Variants in AIMP1 observed in about 807,000 individuals in gnomAD.
AIMP1 encodes the protein aminoacyl tRNA synthetase complex interacting multifunctional protein 1.
In AIMP1, 24 loss-of-function variants were observed where a neutral mutation model predicts 33.1. The ratio of observed to expected loss-of-function variants is 0.73; its 90% CI spans 0.53 to 1.02. The LOEUF (loss-of-function observed/expected upper bound fraction) is 1.02. Ranked by LOEUF, AIMP1 falls within the 50% of genes least tolerant of loss-of-function variation. The pLI, the probability that AIMP1 is intolerant of heterozygous loss-of-function variation, is 0.00. For synonymous variants in AIMP1, 120 were observed against 121.5 expected (o/e 0.99, Z 0.08); for missense variants, 367 against 364.8 (o/e 1.01, Z -0.05).
In AIMP1 at chr4:106,347,690, T is replaced by C; in HGVS notation, c.937T>C (p.Ter313GlnextTer9). 1 of 1,612,584 alleles carries C rather than the reference T, an allele frequency of 6.2e-7. No individual in the cohort carries two copies. The highest frequency in any genetic ancestry group is 2.2e-5 in the East Asian group (1 of 44,768). Residue 313 changes from the stop codon to glutamine (Q), a stop_lost, in exon 7 of 7, where the codon TAA becomes CAA. Transcript: ENST00000672341. ...AQTMSNSGIK[*>Q] ...AACCATGAGCAACAGTGGAATCAAA[T>C]AAAATGCTTCCACTACCAAAAGACA...
intron 6 of AIMP1, among the ~76,000 whole-genome samples, chr4:106,346,625 C>G (rs1397754979): frequency 6.6e-6 from 1 of 152,032 alleles, no homozygotes; most frequent in Non-Finnish European, 1.5e-5. Context: ...TCATCATTAG[C>G]TAGAGAAACC....
rs1318469418 is a variant in AIMP1, at chr4:106,316,573, A to T, written c.-47A>T. The T allele has an allele frequency of 3.9e-6, 6 of 1,551,436 alleles. No homozygotes were observed. In the African/African-American group the frequency reaches 4.1e-5, roughly 11 times the overall value. Reference sequence around the variant, plus strand: ...ATGCTTCCTGCTGTGGCTGTCTCGGAACCCGTGGTCCTCCGCTTCATGTGA... The same window carrying T: ...ATGCTTCCTGCTGTGGCTGTCTCGGTACCCGTGGTCCTCCGCTTCATGTGA... On this transcript the variant is annotated 5_prime_UTR_variant, in exon 1 of 7. Coordinates refer to ENST00000672341, the MANE Select transcript of AIMP1 (RefSeq NM_001142416.2).
intron 4 of AIMP1, among the ~76,000 whole-genome samples, chr4:106,329,389 A>C (rs1484277887): frequency 6.6e-6 from 1 of 152,200 alleles, no homozygotes; most frequent in Non-Finnish European, 1.5e-5. Flanking sequence ...CTAGTTAGAG[A>C]AGGCAACAAG....
chr4:106,324,459 A>T (rs1035961550), intron 1 of AIMP1, among the ~76,000 whole-genome samples: 2 of 152,166 alleles, frequency 1.3e-5, no homozygotes, highest in Non-Finnish European at 2.9e-5. Context: ...GTATATACTG[A>T]CATTATATCT....
At position 106,321,078 on chromosome 4, in the gene AIMP1, C is replaced by T. The variant is rs189334584; in HGVS notation, c.-25-3907C>T. ...TGTTGCCCATGCTGGAGTGCAGTGG[C>T]GTGATCTTGGCTCGCTACAACCTCC... On this transcript the variant is annotated intron_variant, in intron 1 of 6. Transcript: ENST00000672341. Among the ~76,000 whole-genome samples the T allele has an allele frequency of 2.2e-4, 33 of 152,316 alleles. No homozygotes were observed. In the East Asian group the frequency reaches 4.4e-3, roughly 21 times the overall value.
At chr4:106,316,345 G>A (rs1579619572), upstream of AIMP1, 1 of 587,558 alleles carries the variant, frequency 1.7e-6, no homozygotes, top group Non-Finnish European at 3.1e-6. Context: ...AGAGAAAGAG[G>A]TGCGGGGGGA....
At chr4:106,345,930 T>C (rs533523816) in intron 6 of AIMP1, among the ~76,000 whole-genome samples, 23 of 149,962 alleles carry the variant, frequency 1.5e-4, no homozygotes, top group African/African-American at 5.3e-4. Context: ...AAAATATAAA[T>C]ACTTCCAGTA....
intron 2 of AIMP1, among the ~76,000 whole-genome samples, chr4:106,326,466 C>T (rs1011660737): frequency 6.6e-6 from 1 of 152,166 alleles, no homozygotes; most frequent in African/African-American, 2.4e-5. Flanking sequence ...ATCCTACCTA[C>T]AAAGCAGTAC....
At chr4:106,320,983 A>G (rs1769199751) in intron 1 of AIMP1, among the ~76,000 whole-genome samples, 1 of 152,116 alleles carries the variant, frequency 6.6e-6, no homozygotes, top group Non-Finnish European at 1.5e-5. Flanking sequence ...CCTGACCGCG[A>G]GTGATCTGCC....
At chr4:106,325,169 T>G in intron 2 of AIMP1, 51 bp downstream of exon 2, 1 of 1,463,484 alleles carries the variant, frequency 6.8e-7, no homozygotes, top group Middle Eastern at 1.7e-4. Flanking sequence ...AATTCATACA[T>G]TGATGGAGAA....
intron 5 of AIMP1, among the ~76,000 whole-genome samples, chr4:106,332,203 G>A (rs1319569545): frequency 2.0e-5 from 3 of 151,696 alleles, no homozygotes; most frequent in Non-Finnish European, 4.4e-5. Flanking sequence ...AAATATATTT[G>A]AAATCTAAGT....
intron 6 of AIMP1, among the ~76,000 whole-genome samples, chr4:106,337,266 T>C (rs1769921051): frequency 1.3e-5 from 2 of 152,204 alleles, no homozygotes; most frequent in African/African-American, 4.8e-5. Flanking sequence ...ACACCTGATA[T>C]GGTTTGACTA....
At chr4:106,338,065 G>A (rs369649904) in intron 6 of AIMP1, among the ~76,000 whole-genome samples, 1 of 152,218 alleles carries the variant, frequency 6.6e-6, no homozygotes, top group African/African-American at 2.4e-5. Context: ...AAGCAGCAAA[G>A]CATTTAAGAG....
chr4:106,347,347 C>T (rs1264418781), intron 6 of AIMP1, among the ~76,000 whole-genome samples, 179 bp from the exon 7 acceptor site: 2 of 151,824 alleles, frequency 1.3e-5, no homozygotes, highest in African/African-American at 4.8e-5. Context: ...TTTTATTTTA[C>T]CAATCAAGAA....
At chr4:106,346,336 ATGTAAAAAGGT>A (rs1390261743) in intron 6 of AIMP1, among the ~76,000 whole-genome samples, 1 of 152,182 alleles carries the variant, frequency 6.6e-6, no homozygotes, top group Non-Finnish European at 1.5e-5. Context: ...TATTAACCAC[ATGTAAAAAGGT>A]TGTTTACTTT....
At chr4:106,325,254 C>A in intron 2 of AIMP1, 136 bp downstream of exon 2, 2 of 819,750 alleles carry the variant, frequency 2.4e-6, no homozygotes, top group Non-Finnish European at 1.9e-6. Flanking sequence ...AATATCAAAC[C>A]TGAATTTCTA....
rs1769903715 is a variant in AIMP1 at position 106,336,851 on chromosome 4, A to G, written c.604-18A>G. On this transcript the variant is annotated intron_variant, in intron 5 of 6. Transcript: ENST00000672341. ...TAATCTGTGTACATCTTTACTTACC[A>G]GTTTATATTTCACACAGATGCAAAA... 2 of 1,612,042 alleles carry G rather than the reference A, an allele frequency of 1.2e-6. No homozygotes were observed. Among genetic ancestry groups the G allele is most frequent in the African/African-American group, 2.7e-5 (2 of 74,870 alleles).
At chr4:106,343,702 C>T (rs948070871) in intron 6 of AIMP1, among the ~76,000 whole-genome samples, 1 of 152,152 alleles carries the variant, frequency 6.6e-6, no homozygotes, top group Non-Finnish European at 1.5e-5. Context: ...GCTCACCACT[C>T]TACTCCCACC....
chr4:106,341,337 T>C (rs748075095), intron 6 of AIMP1, among the ~76,000 whole-genome samples: 11 of 151,950 alleles, frequency 7.2e-5, no homozygotes, highest in Non-Finnish European at 1.3e-4. Context: ...AGGGTGATAT[T>C]GAGAAGGATA....
Sources: allele counts gnomAD v4.1 joint callset (sites outside exome capture counted in the v4.1 genomes callset), GRCh38; gene constraint gnomAD v4.1.1; transcripts MANE v1.5; gene names NCBI Gene and HGNC (gene_info 2026-07-23, HGNC 2026-07-21).